PTPRD: variants seen among roughly 807,000 people sequenced by gnomAD.
The protein encoded by PTPRD is receptor-type tyrosine-protein phosphatase delta.
A neutral mutation model predicts 214.5 loss-of-function variants in PTPRD; 34 were observed. That is an observed-to-expected ratio of 0.16 (90% CI 0.12 to 0.21). PTPRD has a LOEUF of 0.21. PTPRD is among the 10% of genes least tolerant of loss of function. The pLI, the probability that PTPRD is intolerant of heterozygous loss-of-function variation, is 1.00. For synonymous variants in PTPRD, 1,128 were observed against 845.7 expected (o/e 1.33, Z -5.79); for missense variants, 2,545 against 2,398.7 (o/e 1.06, Z -1.27).
intron 11 of PTPRD, among the ~76,000 whole-genome samples, chr9:8,945,008 A>T (rs1422945638): frequency 6.6e-6 from 1 of 152,064 alleles, no homozygotes; most frequent in Non-Finnish European, 1.5e-5. Context: ...AAAATATCTT[A>T]TGTCCCCCAT....
chr9:10,448,414 G>C (rs924871215), intron 2 of PTPRD, among the ~76,000 whole-genome samples: 1 of 151,896 alleles, frequency 6.6e-6, no homozygotes, highest in African/African-American at 2.4e-5. Context: ...AATGGCTCCT[G>C]CCCTGTCATA....
At chr9:9,871,758 G>T (rs2065506383) in intron 5 of PTPRD, among the ~76,000 whole-genome samples, 1 of 147,416 alleles carries the variant, frequency 6.8e-6, no homozygotes, top group African/African-American at 2.5e-5. Flanking sequence ...GGCCTGGGAG[G>T]AGAAGCTCAT....
intron 45 of PTPRD, among the ~76,000 whole-genome samples, chr9:8,319,409 G>A (rs930698331): frequency 2.0e-5 from 3 of 151,966 alleles, no homozygotes; most frequent in African/African-American, 7.2e-5. Context: ...GTTAAGACAT[G>A]AAATATAGAA....
chr9:10,280,196 T>C (rs2095017611), intron 3 of PTPRD, among the ~76,000 whole-genome samples: 1 of 152,100 alleles, frequency 6.6e-6, no homozygotes, highest in African/African-American at 2.4e-5. Flanking sequence ...CCAGTAGAAG[T>C]TTCCTTCCAA....
intron 3 of PTPRD, among the ~76,000 whole-genome samples, chr9:10,240,366 G>C (rs980783446): frequency 3.3e-5 from 5 of 151,820 alleles, no homozygotes; most frequent in African/African-American, 9.7e-5. Flanking sequence ...AGAGAGGAAA[G>C]GGAACTTCCC....
intron 9 of PTPRD, among the ~76,000 whole-genome samples, chr9:9,217,931 C>T (rs1044747258): frequency 6.6e-6 from 1 of 152,056 alleles, no homozygotes; most frequent in African/African-American, 2.4e-5. Context: ...TTATCTATGG[C>T]GTGCAATAGT....
At chr9:8,580,054 C>CA (rs1323600554) in intron 14 of PTPRD, among the ~76,000 whole-genome samples, 2 of 151,788 alleles carry the variant, frequency 1.3e-5, no homozygotes, top group African/African-American at 2.4e-5. Context: ...AATTATTGAC[C>CA]AAAAAAATTA....
At chr9:9,212,348 G>T (rs1394010008) in intron 9 of PTPRD, among the ~76,000 whole-genome samples, 2 of 152,104 alleles carry the variant, frequency 1.3e-5, no homozygotes, top group African/African-American at 4.8e-5. Flanking sequence ...AGGCCTCTGT[G>T]ATTTTTCCCT....
intron 10 of PTPRD, among the ~76,000 whole-genome samples, chr9:9,131,571 T>C (rs2154474694): frequency 6.6e-6 from 1 of 152,326 alleles, no homozygotes; most frequent in Non-Finnish European, 1.5e-5. Flanking sequence ...TTTCCCTCCA[T>C]AAATAAAATT....
intron 3 of PTPRD, among the ~76,000 whole-genome samples, chr9:10,133,006 G>A (rs905752177): frequency 3.9e-5 from 6 of 152,002 alleles, no homozygotes; most frequent in African/African-American, 9.7e-5. Flanking sequence ...ATGCCCTCTC[G>A]TTACTTGTTC....
intron 5 of PTPRD, among the ~76,000 whole-genome samples, chr9:9,793,920 C>G (rs1247540016): frequency 6.6e-6 from 1 of 151,926 alleles, no homozygotes; most frequent in East Asian, 1.9e-4. Context: ...ATTCAACCCA[C>G]TACTTCCTAA....
At chr9:8,815,859 G>T (rs1328001636) in intron 11 of PTPRD, among the ~76,000 whole-genome samples, 4 of 152,068 alleles carry the variant, frequency 2.6e-5, no homozygotes, top group African/African-American at 9.7e-5. Flanking sequence ...GTTATAATAG[G>T]CCTTACTGCT....
chr9:8,902,623 G>A (rs1223526210), intron 11 of PTPRD, among the ~76,000 whole-genome samples: 1 of 151,986 alleles, frequency 6.6e-6, no homozygotes, highest in Non-Finnish European at 1.5e-5. Flanking sequence ...GGGATTACAG[G>A]CATGAGCCAC....
chr9:10,363,999 T>TTTTTG (rs2097454955), intron 2 of PTPRD, among the ~76,000 whole-genome samples: 1 of 7,910 alleles, frequency 1.3e-4, no homozygotes, highest in African/African-American at 3.8e-4. Flanking sequence ...GGGTTTTTTT[T>TTTTTG]TTTTTTTTTT....
intron 8 of PTPRD, among the ~76,000 whole-genome samples, chr9:9,474,537 G>A (rs755390003): frequency 4.6e-5 from 7 of 151,914 alleles, no homozygotes; most frequent in African/African-American, 9.7e-5. Context: ...TGGTCGTTAC[G>A]GTAATTTTAA....
At chr9:9,932,951 C>T (rs1283281523) in intron 5 of PTPRD, among the ~76,000 whole-genome samples, 2 of 148,392 alleles carry the variant, frequency 1.3e-5, no homozygotes, top group Non-Finnish European at 3.0e-5. Context: ...GAATTTTCAA[C>T]CCAGAATTTC....
intron 7 of PTPRD, among the ~76,000 whole-genome samples, chr9:9,699,516 T>G (rs1050945707): frequency 6.6e-6 from 1 of 152,126 alleles, no homozygotes; most frequent in African/African-American, 2.4e-5. Flanking sequence ...TAAATAACAG[T>G]TAAATCAAAT....
intron 2 of PTPRD, among the ~76,000 whole-genome samples, chr9:10,484,348 C>G (rs1200206178): frequency 6.6e-6 from 1 of 152,000 alleles, no homozygotes; most frequent in African/African-American, 2.4e-5. Flanking sequence ...ACAACATATA[C>G]TATGTGGGTT....
At chr9:9,296,390 T>C (rs62532864) in intron 9 of PTPRD, among the ~76,000 whole-genome samples, 1,525 of 151,894 alleles carry the variant, frequency 0.01, 13 homozygotes, top group South Asian at 0.02. Flanking sequence ...AATTGCTCCA[T>C]CATTATTTCT....
Sources: gnomAD v4.1 joint callset for allele counts (sites outside exome capture counted in the v4.1 genomes callset) on GRCh38, gnomAD v4.1.1 for gene constraint, MANE v1.5 for transcripts, NCBI Gene and HGNC (gene_info 2026-07-23, HGNC 2026-07-21) for gene names.